Variants in SLC4A7 observed in about 807,000 individuals in gnomAD.
SLC4A7 encodes sodium bicarbonate cotransporter 3.
In SLC4A7, 51 loss-of-function variants were observed where a neutral mutation model predicts 137.6. The observed-to-expected ratio is 0.37, with a 90% confidence interval of 0.30 to 0.47. The LOEUF is 0.47. Among genes scored for constraint, SLC4A7 ranks in the 20% least tolerant of loss-of-function variants. The pLI is 1.00. For synonymous variants in SLC4A7, 542 were observed against 518.6 expected, an observed-to-expected ratio of 1.05 and a Z score of -0.61; for missense variants, 1,247 against 1,525.4, an observed-to-expected ratio of 0.82 and a Z score of 3.04.
In SLC4A7 at chr3:27,431,533, G is replaced by A. The variant is rs1474170666; in HGVS notation, c.915C>T (p.Gly305=). The A allele has an allele frequency of 1.2e-6, 2 of 1,614,004 alleles. No individual in the cohort carries two copies. The highest frequency in any genetic ancestry group is 2.7e-5 in the African/African-American group (2 of 74,896). ...LPSSRAGTPA[G]SRCTTPVPTP... Reference sequence around the variant, plus strand: ...TGGGTACTGGGGTTGTACACCTTGAGCCTGCAGGGGTTCCAGCTCTTGAAG... The same window carrying A: ...TGGGTACTGGGGTTGTACACCTTGAACCTGCAGGGGTTCCAGCTCTTGAAG... The change falls in exon 7 of 26, where the codon GGC becomes GGT. Residue 305 remains glycine, a synonymous_variant. Coordinates refer to ENST00000454389, the MANE Select transcript of SLC4A7 (RefSeq NM_001321103.2).
Position 27,421,844 on chromosome 3 carries a change from G to GA in SLC4A7, c.1267-66dup. The GA allele has an allele frequency of 2.3e-6, 3 of 1,307,106 alleles. No individual in the cohort carries two copies. In the South Asian group the frequency reaches 4.4e-5, roughly 19 times the overall value. 81.0% of individuals were successfully genotyped at this position (1,307,106 alleles called of 1,614,324 possible). A position where few individuals can be genotyped will look rare whatever the true frequency, so the allele number is the denominator to read the frequency against. On this transcript the variant is annotated intron_variant, in intron 8 of 25. Transcript: ENST00000454389. ...TATTTGTAAGACTAGAGAGAAACAGGAAAGAAAAACTGCTTTATAAGACTA... is the reference window on the plus strand; with the variant it reads ...TATTTGTAAGACTAGAGAGAAACAGGAAAAGAAAAACTGCTTTATAAGACTA...
intron 10 of SLC4A7, among the ~76,000 whole-genome samples, 175 bp from the exon 11 acceptor site, chr3:27,418,807 T>C (rs1434229006): frequency 6.6e-6 from 1 of 152,176 alleles, no homozygotes; most frequent in Non-Finnish European, 1.5e-5. Context: ...ATCCACTCAG[T>C]ATTATCAGAT....
At chr3:27,435,936 G>A (rs2056705308) in intron 5 of SLC4A7, among the ~76,000 whole-genome samples, 1 of 152,142 alleles carries the variant, frequency 6.6e-6, no homozygotes, top group Admixed American at 6.6e-5. Context: ...CACTACTGAA[G>A]AAATCTGTAT....
intron 1 of SLC4A7, among the ~76,000 whole-genome samples, chr3:27,464,626 G>C (rs922630611): frequency 6.6e-6 from 1 of 152,084 alleles, no homozygotes; most frequent in Non-Finnish European, 1.5e-5. Context: ...CCGGGAGGCA[G>C]AGGTTGCAGT....
At chr3:27,461,056 T>C (rs1181019442) in intron 1 of SLC4A7, among the ~76,000 whole-genome samples, 2 of 152,192 alleles carry the variant, frequency 1.3e-5, no homozygotes, top group African/African-American at 4.8e-5. Context: ...AAGATTTCAC[T>C]TGTTACGCGA....
chr3:27,415,052 A>G (rs6768214), intron 11 of SLC4A7, among the ~76,000 whole-genome samples: 22,274 of 152,148 alleles, frequency 0.15, 1,872 homozygotes, highest in South Asian at 0.27. Flanking sequence ...TCTCTTCCAC[A>G]GCATTAATAA....
chr3:27,408,223 T>C (rs2053570295), intron 13 of SLC4A7, among the ~76,000 whole-genome samples: 1 of 152,182 alleles, frequency 6.6e-6, no homozygotes, highest in South Asian at 2.1e-4. Flanking sequence ...GCCAAACACA[T>C]TGTCACATGT....
intron 25 of SLC4A7, among the ~76,000 whole-genome samples, chr3:27,377,417 A>G (rs575876069): frequency 6.6e-6 from 1 of 152,092 alleles, no homozygotes; most frequent in Non-Finnish European, 1.5e-5. Flanking sequence ...TGAGAGACAG[A>G]GTTTTGCTCT....
In SLC4A7 at chr3:27,433,446, A is replaced by C. The variant is rs140550843; in HGVS notation, c.778+470T>G. 3.0e-3 allele frequency among the ~76,000 whole-genome samples: 463 copies of C among 152,330 alleles called. 1 individual carries two copies. The highest frequency in any genetic ancestry group is 5.1e-3 in the Non-Finnish European group (348 of 68,030). On this transcript the variant is annotated intron_variant, in intron 6 of 25. Transcript: ENST00000454389. ...TGCCACACAACCTGCCTGTAACCTA[A>C]GAATGAGAGTAGAAAGGTGGAATAT... is the stretch of plus-strand genomic sequence containing the variant.
chr3:27,407,771 C>T (rs954636521), intron 13 of SLC4A7, among the ~76,000 whole-genome samples: 3 of 152,102 alleles, frequency 2.0e-5, no homozygotes, highest in African/African-American at 7.2e-5. Context: ...ATCCCTCCTT[C>T]ATTCCATAAA....
At chr3:27,433,438 G>A (rs2150383488) in intron 6 of SLC4A7, among the ~76,000 whole-genome samples, 1 of 152,310 alleles carries the variant, frequency 6.6e-6, no homozygotes, top group South Asian at 2.1e-4. Context: ...CAACCTGCCT[G>A]TAACCTAAGA....
chr3:27,442,399 T>C (rs756793859), intron 3 of SLC4A7, among the ~76,000 whole-genome samples: 92 of 152,120 alleles, frequency 6.0e-4, no homozygotes, highest in Non-Finnish European at 1.0e-3. Context: ...AAATGTGACG[T>C]CATCCACATG....
intron 2 of SLC4A7, 91 bp downstream of exon 2, chr3:27,452,326 C>A: frequency 1.2e-6 from 1 of 818,390 alleles, no homozygotes; most frequent in South Asian, 1.7e-5. Flanking sequence ...AAAAACTCAA[C>A]AAATACTAGG....
Position 27,444,525 on chromosome 3 carries a change from G to C in SLC4A7, c.289+4126C>G, listed in dbSNP as rs566530917. The stretch of plus-strand genomic sequence containing the variant: ...ACTTCATTCTCTGTGTTTCATTTTG[G>C]ATAGTTACTATCACTGTCTTGAAAA... On this transcript the variant is annotated intron_variant, in intron 3 of 25. Coordinates refer to ENST00000454389, the MANE Select transcript of SLC4A7 (RefSeq NM_001321103.2). Among the ~76,000 whole-genome samples, 35 of 152,006 alleles carry C rather than the reference G, an allele frequency of 2.3e-4. 1 individual carries two copies. The South Asian group carries it at 7.1e-3, about 31-fold the overall frequency.
chr3:27,445,963 A>AATATATATATATATATATATATAT (rs201941653), intron 3 of SLC4A7, among the ~76,000 whole-genome samples: 1 of 37,500 alleles, frequency 2.7e-5, no homozygotes, highest in African/African-American at 1.1e-4. Flanking sequence ...AAAAAAAAAA[A>AATATATATATATATATATATATAT]ATATATATAT....
chr3:27,416,934 C>T (rs983337568), intron 11 of SLC4A7, among the ~76,000 whole-genome samples: 1 of 152,126 alleles, frequency 6.6e-6, no homozygotes, highest in African/African-American at 2.4e-5. Context: ...TTTGTCATCA[C>T]AACTTTTTAA....
rs1012934875 is a variant in SLC4A7, at chr3:27,448,709, G to C, written c.231C>G (p.His77Gln). 6.2e-7 allele frequency: 1 copy of C among 1,612,564 alleles called. No individual in the cohort carries two copies. The highest frequency in any genetic ancestry group is 1.7e-5 in the Admixed American group (1 of 59,908). The change falls in exon 3 of 26, where the codon CAC becomes CAG. Residue 77 changes from histidine to glutamine, a missense_variant. Transcript: ENST00000454389. ...RHRHRGHKHH[H>Q]RRRKDKESDK... Reference sequence around the variant, plus strand: ...CTGATTCTTTATCTTTTCTTCTCCGGTGGTGATGTTTGTGTCCGCGATGCC... The same window carrying C: ...CTGATTCTTTATCTTTTCTTCTCCGCTGGTGATGTTTGTGTCCGCGATGCC...
intron 1 of SLC4A7, among the ~76,000 whole-genome samples, chr3:27,470,248 G>T (rs1480724739): frequency 6.0e-5 from 9 of 148,870 alleles, no homozygotes; most frequent in African/African-American, 2.2e-4. Flanking sequence ...TTGCTCATGA[G>T]CTTAAAGGCT....
chr3:27,385,510 A>G, intron 23 of SLC4A7, among the ~76,000 whole-genome samples: 1 of 152,186 alleles, frequency 6.6e-6, no homozygotes, highest in South Asian at 2.1e-4. Flanking sequence ...AATGTATTTA[A>G]AGTTTTCTCA....
Sources: gnomAD v4.1 joint callset for allele counts (sites outside exome capture counted in the v4.1 genomes callset) on GRCh38, gnomAD v4.1.1 for gene constraint, MANE v1.5 for transcripts, NCBI Gene and HGNC (gene_info 2026-07-23, HGNC 2026-07-21) for gene names.